Variants in TNFSF4 observed in about 807,000 individuals in gnomAD.
TNFSF4 encodes tumor necrosis factor ligand superfamily member 4.
Under a neutral mutation model 7.3 loss-of-function variants are expected in TNFSF4, and 4 were observed. The observed-to-expected ratio is 0.55, with a 90% CI of 0.27 to 1.25. TNFSF4 has a LOEUF of 1.25. Among genes scored for constraint, TNFSF4 ranks in the 50% most tolerant of loss-of-function variants. TNFSF4 has a pLI of 0.12. For missense variants in TNFSF4, 181 were observed against 208.8 expected (o/e 0.87, Z 0.82); for synonymous variants, 76 against 83.7 (o/e 0.91, Z 0.50).
At chr1:173,380,476 T>G in the TNFSF4 span, among the ~76,000 whole-genome samples, 1 of 152,028 alleles carries the variant, frequency 6.6e-6, no homozygotes, top group African/African-American at 2.4e-5. Flanking sequence ...AACTTCTGAG[T>G]CACCCGAACA....
rs1365162759 is a variant in TNFSF4, at chr1:173,184,690, C to T, written c.*1826G>A. On this transcript the variant is annotated 3_prime_UTR_variant, in exon 3 of 3. Coordinates refer to ENST00000281834, the MANE Select transcript of TNFSF4 (RefSeq NM_003326.5). ...CAATTTTGCAGAACATGGTCAATAACAAAAAGTGAAATACACACACACACA... is the reference window on the plus strand; with the variant it reads ...CAATTTTGCAGAACATGGTCAATAATAAAAAGTGAAATACACACACACACA... 1 of 151,254 alleles carries T rather than the reference C, an allele frequency of 6.6e-6. No homozygotes were observed. Among genetic ancestry groups the T allele is most frequent in the Non-Finnish European group, 1.5e-5 (1 of 67,726 alleles). 9.4% of individuals were successfully genotyped at this position (151,254 alleles called of 1,614,324 possible).
At chr1:173,402,000 C>T in the TNFSF4 span, among the ~76,000 whole-genome samples, 1 of 152,280 alleles carries the variant, frequency 6.6e-6, no homozygotes, top group African/African-American at 2.4e-5. Context: ...TTCGTATTTT[C>T]CATTTGCACT....
chr1:173,201,614 T>C (rs1215116791), intron 1 of TNFSF4, among the ~76,000 whole-genome samples: 2 of 152,208 alleles, frequency 1.3e-5, no homozygotes, highest in Admixed American at 1.3e-4. Context: ...AGAAATTTAC[T>C]TGGGGTCAAG....
chr1:173,243,821 G>A, the TNFSF4 span, among the ~76,000 whole-genome samples: 57 of 152,162 alleles, frequency 3.7e-4, no homozygotes, highest in African/African-American at 1.3e-3. Context: ...ATGGGTTTGT[G>A]GTGAGGCTAT....
the TNFSF4 span, among the ~76,000 whole-genome samples, chr1:173,289,516 T>G: frequency 1.3e-5 from 2 of 152,246 alleles, no homozygotes; most frequent in African/African-American, 4.8e-5. Context: ...CAGCATATAA[T>G]AAAAATTACT....
At chr1:173,297,318 GAAA>G in the TNFSF4 span, among the ~76,000 whole-genome samples, 1 of 150,562 alleles carries the variant, frequency 6.6e-6, no homozygotes, top group Non-Finnish European at 1.5e-5. Flanking sequence ...GGCAACACAC[GAAA>G]AAAAAAGATC....
At chr1:173,237,685 T>C in the TNFSF4 span, among the ~76,000 whole-genome samples, 1 of 152,068 alleles carries the variant, frequency 6.6e-6, no homozygotes, top group Non-Finnish European at 1.5e-5. Context: ...AAATGCCTAG[T>C]AATACAGCTA....
At chr1:173,336,832 G>A in the TNFSF4 span, among the ~76,000 whole-genome samples, 1 of 152,086 alleles carries the variant, frequency 6.6e-6, no homozygotes, top group African/African-American at 2.4e-5. Context: ...GCATGTGGGA[G>A]ACATCGCTTC....
chr1:173,415,498 C>T, the TNFSF4 span, among the ~76,000 whole-genome samples: 1 of 152,220 alleles, frequency 6.6e-6, no homozygotes, highest in Non-Finnish European at 1.5e-5. Flanking sequence ...CGGAACCACC[C>T]TTACACTATC....
chr1:173,355,626 C>T, the TNFSF4 span, among the ~76,000 whole-genome samples: 1 of 152,196 alleles, frequency 6.6e-6, no homozygotes, highest in East Asian at 1.9e-4. Flanking sequence ...TCAAACCTCC[C>T]ACAGGTGAGA....
the TNFSF4 span, among the ~76,000 whole-genome samples, chr1:173,333,936 C>T: frequency 6.6e-6 from 1 of 152,024 alleles, no homozygotes; most frequent in African/African-American, 2.4e-5. Flanking sequence ...GTTCAGGGTT[C>T]TCCAGGGTTT....
At chr1:173,269,060 A>T in the TNFSF4 span, among the ~76,000 whole-genome samples, 1 of 152,146 alleles carries the variant, frequency 6.6e-6, no homozygotes, top group Non-Finnish European at 1.5e-5. Flanking sequence ...GTCTATTTTT[A>T]TCAAAAGACA....
chr1:173,357,587 A>C, the TNFSF4 span, among the ~76,000 whole-genome samples: 1 of 151,944 alleles, frequency 6.6e-6, no homozygotes. Flanking sequence ...GCTGGAGCGC[A>C]ATGGTGCAAT....
the TNFSF4 span, among the ~76,000 whole-genome samples, chr1:173,424,215 T>C: frequency 6.6e-6 from 1 of 152,348 alleles, no homozygotes; most frequent in African/African-American, 2.4e-5. Context: ...AATAGGCAAT[T>C]CTAGACAAAG....
the TNFSF4 span, among the ~76,000 whole-genome samples, chr1:173,311,898 T>C: frequency 6.6e-6 from 1 of 152,160 alleles, no homozygotes; most frequent in South Asian, 2.1e-4. Flanking sequence ...TTCACTATTT[T>C]ACTTCTTTTT....
At chr1:173,382,208 C>T in the TNFSF4 span, among the ~76,000 whole-genome samples, 1 of 152,124 alleles carries the variant, frequency 6.6e-6, no homozygotes, top group African/African-American at 2.4e-5. Context: ...CCGGGAGGAA[C>T]AAACAACTCC....
At chr1:173,424,470 G>A in the TNFSF4 span, among the ~76,000 whole-genome samples, 570 of 152,302 alleles carry the variant, frequency 3.7e-3, 2 homozygotes, top group African/African-American at 0.01. Context: ...TTTGTGGGCC[G>A]GTGGGCCCAA....
At chr1:173,414,775 C>T in the TNFSF4 span, among the ~76,000 whole-genome samples, 1 of 152,204 alleles carries the variant, frequency 6.6e-6, no homozygotes, top group Non-Finnish European at 1.5e-5. Flanking sequence ...TTCAGCCATG[C>T]CATGGCTGGC....
the TNFSF4 span, among the ~76,000 whole-genome samples, chr1:173,286,834 C>G: frequency 1.3e-5 from 2 of 151,884 alleles, no homozygotes; most frequent in South Asian, 4.2e-4. Flanking sequence ...AGTTTCCATA[C>G]GTACATCTAA....
Sources: allele counts gnomAD v4.1 joint callset (sites outside exome capture counted in the v4.1 genomes callset), GRCh38; gene constraint gnomAD v4.1.1; transcripts MANE v1.5; gene names NCBI Gene and HGNC (gene_info 2026-07-23, HGNC 2026-07-21).